KIFC3: variants seen among roughly 807,000 people sequenced by gnomAD.
KIFC3 encodes the protein kinesin family member C3.
A neutral mutation model predicts 101.8 loss-of-function variants in KIFC3; 60 were observed. The observed-to-expected ratio is 0.59, with a 90% confidence interval of 0.48 to 0.73. The LOEUF is 0.73. KIFC3 is among the 30% of genes least tolerant of loss of function. The probability of loss-of-function intolerance (pLI) is 0.00; values close to 1 mark genes in which losing one functional copy is unlikely to be tolerated. For missense variants in KIFC3, 966 were observed against 1,137.1 expected (o/e 0.85, Z 2.16); for synonymous variants, 476 against 482.7 (o/e 0.99, Z 0.18).
At chr16:57,862,088 G>A (rs1300024324) in intron 1 of KIFC3, among the ~76,000 whole-genome samples, 1 of 151,990 alleles carries the variant, frequency 6.6e-6, no homozygotes, top group Admixed American at 6.6e-5. Flanking sequence ...TGGCAGCTGG[G>A]CTTACCTGCT....
intron 1 of KIFC3, among the ~76,000 whole-genome samples, chr16:57,843,547 C>A (rs2055854142): frequency 6.6e-6 from 1 of 151,858 alleles, no homozygotes; most frequent in Non-Finnish European, 1.5e-5. Context: ...ATGGGGTGGT[C>A]AGCCTGTAAT....
chr16:57,766,950 G>T lies in KIFC3; in HGVS notation c.1254C>A (p.Asn418Lys). 6.2e-7 allele frequency: 1 copy of T among 1,613,282 alleles called. No homozygotes were observed. Among genetic ancestry groups the T allele is most frequent in the South Asian group, 1.1e-5 (1 of 91,080 alleles). The change falls in exon 10 of 20, where the codon AAC becomes AAA. Residue 418 changes from asparagine (N) to lysine (K), a missense_variant. Asn to Lys is a moderately conservative substitution (Grantham distance 94). This residue lies in a region of KIFC3 where 689 missense variants were observed against 884.6 expected (regional missense o/e 0.78). Transcript: ENST00000445690. ...GGCGGTACTTGCGCAGCAGCTCCTG[G>T]TTGTTGCTGTTGACCTCCTCGATGG... is the stretch of plus-strand genomic sequence containing the variant. ...GQAIEEVNSN[N>K]QELLRKYRRE...
chr16:57,762,425 C>T (rs2049976673), intron 12 of KIFC3, among the ~76,000 whole-genome samples, 155 bp from the exon 13 acceptor site: 1 of 152,230 alleles, frequency 6.6e-6, no homozygotes, highest in African/African-American at 2.4e-5. Context: ...ATGCCCTCCA[C>T]CAGCTGCGGG....
intron 1 of KIFC3, among the ~76,000 whole-genome samples, chr16:57,812,162 C>A (rs1156547115): frequency 6.6e-6 from 1 of 151,372 alleles, no homozygotes; most frequent in African/African-American, 2.4e-5. Flanking sequence ...CCTGCCTCAG[C>A]CTACCGAGTA....
intron 1 of KIFC3, among the ~76,000 whole-genome samples, chr16:57,824,863 C>T (rs575505498): frequency 5.8e-4 from 89 of 152,214 alleles, no homozygotes; most frequent in African/African-American, 1.9e-3. Flanking sequence ...AGGTTGGTCT[C>T]GATCTCCTGG....
At chr16:57,775,178 C>A in intron 3 of KIFC3, 1 of 1,329,290 alleles carries the variant, frequency 7.5e-7, no homozygotes, top group South Asian at 2.0e-5. Context: ...GAGGGGCACC[C>A]AAAAGGAAGT....
intron 1 of KIFC3, among the ~76,000 whole-genome samples, chr16:57,818,792 C>T (rs2055287103): frequency 1.3e-5 from 2 of 152,218 alleles, no homozygotes; most frequent in Non-Finnish European, 2.9e-5. Flanking sequence ...AATGCCATTG[C>T]TGTGTTTACT....
intron 1 of KIFC3, among the ~76,000 whole-genome samples, chr16:57,840,064 A>T (rs1212031071): frequency 6.6e-6 from 1 of 152,136 alleles, no homozygotes; most frequent in East Asian, 1.9e-4. Context: ...TTAGCCAGCC[A>T]AGGTGGCTCA....
At chr16:57,760,184 A>G in intron 17 of KIFC3, 98 bp downstream of exon 17, 1 of 1,419,368 alleles carries the variant, frequency 7.0e-7, no homozygotes, top group Non-Finnish European at 9.5e-7. Flanking sequence ...CCCTGCCCCC[A>G]CTGCTTCAGG....
intron 3 of KIFC3, among the ~76,000 whole-genome samples, chr16:57,778,566 G>T (rs1047228251): frequency 6.6e-6 from 1 of 152,112 alleles, no homozygotes; most frequent in African/African-American, 2.4e-5. Flanking sequence ...GATATATAAA[G>T]AACTATAACT....
chr16:57,825,877 T>G (rs2055447375), intron 1 of KIFC3, among the ~76,000 whole-genome samples: 1 of 152,206 alleles, frequency 6.6e-6, no homozygotes, highest in Non-Finnish European at 1.5e-5. Context: ...AGAAAAGTTT[T>G]GCCATGTTGC....
At chr16:57,776,499 T>C (rs2052109118) in intron 3 of KIFC3, 14 of 769,114 alleles carry the variant, frequency 1.8e-5, no homozygotes, top group Non-Finnish European at 2.1e-5. Context: ...CTGGGTAACC[T>C]TGGACAAGTC....
At chr16:57,806,144 G>T (rs2054930002), upstream of KIFC3, among the ~76,000 whole-genome samples, 1 of 152,186 alleles carries the variant, frequency 6.6e-6, no homozygotes, top group African/African-American at 2.4e-5. Flanking sequence ...GAAAGAAGGG[G>T]AATGAAAAGT....
At chr16:57,759,007 T>TA in intron 19 of KIFC3, 98 bp from the exon 20 acceptor site, 1 of 1,532,182 alleles carries the variant, frequency 6.5e-7, no homozygotes, top group Non-Finnish European at 8.8e-7. Context: ...CAAAAGCACA[T>TA]AGACAAGCGA....
chr16:57,855,124 T>C (rs111409301), intron 1 of KIFC3, among the ~76,000 whole-genome samples: 12,897 of 118,664 alleles, frequency 0.11, 774 homozygotes, highest in East Asian at 0.32. Flanking sequence ...TCTTTCTTTT[T>C]TTTTTTTTTT....
intron 1 of KIFC3, among the ~76,000 whole-genome samples, chr16:57,854,824 T>C (rs1448141498): frequency 6.6e-6 from 1 of 152,174 alleles, no homozygotes; most frequent in Non-Finnish European, 1.5e-5. Context: ...AGTTATTCCC[T>C]GACCACAAAG....
At chr16:57,780,371 TGTG>T (rs1194209886) in intron 3 of KIFC3, among the ~76,000 whole-genome samples, 17 of 151,702 alleles carry the variant, frequency 1.1e-4, no homozygotes, top group African/African-American at 3.6e-4. Flanking sequence ...ATTAGCCAGG[TGTG>T]GTGGTGTGCA....
At chr16:57,825,380 C>T (rs1187409850) in intron 1 of KIFC3, among the ~76,000 whole-genome samples, 2 of 152,218 alleles carry the variant, frequency 1.3e-5, no homozygotes, top group Non-Finnish European at 2.9e-5. Context: ...ACTTTCGGCT[C>T]CATTCATGAA....
At chr16:57,765,257 C>G (rs1555601653) in intron 11 of KIFC3, among the ~76,000 whole-genome samples, 1 of 152,106 alleles carries the variant, frequency 6.6e-6, no homozygotes, top group Non-Finnish European at 1.5e-5. Flanking sequence ...TCTCTCCTTC[C>G]TAAGGAGGCT....
Sources: allele counts gnomAD v4.1 joint callset (sites outside exome capture counted in the v4.1 genomes callset), GRCh38; gene constraint gnomAD v4.1.1; regional missense constraint gnomAD v4.1.1; transcripts MANE v1.5; gene names NCBI Gene and HGNC (gene_info 2026-07-23, HGNC 2026-07-21).